ALOX5: variants seen among roughly 807,000 people sequenced by gnomAD.
The protein encoded by ALOX5 is polyunsaturated fatty acid 5-lipoxygenase.
A neutral mutation model predicts 87.9 loss-of-function variants in ALOX5; 64 were observed. That is an observed-to-expected ratio of 0.73 (90% confidence interval 0.60 to 0.90). The LOEUF (loss-of-function observed/expected upper bound fraction) is 0.90. Ranked by LOEUF, ALOX5 falls within the 40% of genes least tolerant of loss-of-function variation. ALOX5 has a pLI of 0.00. For missense variants in ALOX5, 822 were observed against 907.5 expected, an observed-to-expected ratio of 0.91 and a Z score of 1.21; for synonymous variants, 388 against 355.1, an observed-to-expected ratio of 1.09 and a Z score of -1.04.
intron 3 of ALOX5, among the ~76,000 whole-genome samples, chr10:45,410,662 C>G (rs1171458233): frequency 6.6e-6 from 1 of 152,014 alleles, no homozygotes; most frequent in Admixed American, 6.6e-5. Context: ...ACTTTCCTCT[C>G]AAAAGAAAAT....
intron 4 of ALOX5, among the ~76,000 whole-genome samples, chr10:45,416,078 G>C (rs1841280114): frequency 6.6e-6 from 1 of 152,144 alleles, no homozygotes; most frequent in African/African-American, 2.4e-5. Flanking sequence ...AGGTAGACGA[G>C]GCTGAGAACC....
chr10:45,402,874 G>A (rs1192824025), intron 3 of ALOX5, among the ~76,000 whole-genome samples: 1 of 152,182 alleles, frequency 6.6e-6, no homozygotes, highest in Non-Finnish European at 1.5e-5. Context: ...AATATAAGCA[G>A]CAAGTATACA....
chr10:45,408,362 G>T (rs1312608603), intron 3 of ALOX5, among the ~76,000 whole-genome samples: 5 of 152,172 alleles, frequency 3.3e-5, no homozygotes, highest in African/African-American at 1.2e-4. Flanking sequence ...TTTTGGAAAG[G>T]TGGGACAACT....
chr10:45,417,284 T>G (rs1166529819), intron 4 of ALOX5, among the ~76,000 whole-genome samples: 1 of 152,138 alleles, frequency 6.6e-6, no homozygotes, highest in Admixed American at 6.5e-5. Context: ...TCCTGTGTGT[T>G]TAGTGTTACA....
At chr10:45,434,596 C>T (rs1464685958) in intron 7 of ALOX5, among the ~76,000 whole-genome samples, 1 of 152,218 alleles carries the variant, frequency 6.6e-6, no homozygotes, top group Non-Finnish European at 1.5e-5. Context: ...GGATACATAT[C>T]TGTCGTATAC....
chr10:45,418,019 A>G (rs1413717644), intron 4 of ALOX5, among the ~76,000 whole-genome samples: 1 of 152,084 alleles, frequency 6.6e-6, no homozygotes, highest in African/African-American at 2.4e-5. Flanking sequence ...TAGCCCCTTG[A>G]GTGATGGCCT....
chr10:45,443,918 C>T (rs907489762), intron 12 of ALOX5, 90 bp downstream of exon 12: 6 of 1,469,584 alleles, frequency 4.1e-6, no homozygotes, highest in African/African-American at 2.8e-5. Flanking sequence ...ACTGCACCCT[C>T]GGACAGCCTC....
At chr10:45,381,889 A>G (rs889345111) in intron 1 of ALOX5, among the ~76,000 whole-genome samples, 2 of 152,252 alleles carry the variant, frequency 1.3e-5, no homozygotes, top group Non-Finnish European at 2.9e-5. Context: ...TAAGGTGTTC[A>G]TGAAGAATCT....
chr10:45,412,530 AC>A (rs1228628375), intron 4 of ALOX5, among the ~76,000 whole-genome samples: 2 of 152,182 alleles, frequency 1.3e-5, no homozygotes, highest in African/African-American at 4.8e-5. Context: ...GACTCCAGAC[AC>A]CAGACATACA....
At chr10:45,428,555 C>A in intron 6 of ALOX5, 63 bp from the exon 7 acceptor site, 1 of 1,599,996 alleles carries the variant, frequency 6.3e-7, no homozygotes, top group Non-Finnish European at 8.5e-7. Flanking sequence ...CACTCTTTCC[C>A]CAGGCCTGAT....
intron 4 of ALOX5, 117 bp from the exon 5 acceptor site, chr10:45,423,924 G>A: frequency 2.6e-6 from 2 of 780,094 alleles, no homozygotes; most frequent in Non-Finnish European, 2.2e-6. Context: ...ACCTACCTCT[G>A]CAGAGCTGCC....
chr10:45,389,575 T>C (rs1840133190), intron 2 of ALOX5, among the ~76,000 whole-genome samples: 1 of 152,310 alleles, frequency 6.6e-6, no homozygotes, highest in East Asian at 1.9e-4. Context: ...AACCCAGAAT[T>C]TCATATCCAG....
intron 3 of ALOX5, among the ~76,000 whole-genome samples, chr10:45,400,304 CAAA>C (rs1244727661): frequency 6.6e-6 from 1 of 152,086 alleles, no homozygotes; most frequent in Non-Finnish European, 1.5e-5. Flanking sequence ...TTTTTGGCAT[CAAA>C]AAGGAATGAA....
intron 4 of ALOX5, among the ~76,000 whole-genome samples, chr10:45,423,748 G>A (rs903418944): frequency 6.6e-6 from 1 of 152,230 alleles, no homozygotes; most frequent in African/African-American, 2.4e-5. Context: ...CCGAGTGGGG[G>A]ACTGCAAGTG....
At chr10:45,386,533 C>A (rs1305712795) in intron 2 of ALOX5, among the ~76,000 whole-genome samples, 1 of 151,434 alleles carries the variant, frequency 6.6e-6, no homozygotes, top group African/African-American at 2.4e-5. Flanking sequence ...GTTTTAGAAA[C>A]TTTTATAGCA....
At chr10:45,439,069 TATCTC>T (rs1751839927) in intron 7 of ALOX5, among the ~76,000 whole-genome samples, 4 of 152,252 alleles carry the variant, frequency 2.6e-5, no homozygotes, top group Admixed American at 2.0e-4. Context: ...GAATGTGAAA[TATCTC>T]ATTTAATAGT....
chr10:45,412,593 C>G (rs1049450293), intron 4 of ALOX5, among the ~76,000 whole-genome samples: 1 of 152,226 alleles, frequency 6.6e-6, no homozygotes, highest in East Asian at 1.9e-4. Context: ...TCCTCCCCAT[C>G]CATATCTCAT....
At chr10:45,384,356 C>G (rs1053895036) in intron 2 of ALOX5, among the ~76,000 whole-genome samples, 1 of 152,200 alleles carries the variant, frequency 6.6e-6, no homozygotes, top group Non-Finnish European at 1.5e-5. Context: ...CCAGCAAGTT[C>G]CATTCTCTCT....
At chr10:45,379,573 C>T (rs757774960) in intron 1 of ALOX5, among the ~76,000 whole-genome samples, 1 of 152,160 alleles carries the variant, frequency 6.6e-6, no homozygotes, top group African/African-American at 2.4e-5. Flanking sequence ...CATGTAGTCA[C>T]GAAGTGGCCG....
Sources: allele counts gnomAD v4.1 joint callset (sites outside exome capture counted in the v4.1 genomes callset), GRCh38; gene constraint gnomAD v4.1.1; transcripts MANE v1.5; gene names NCBI Gene and HGNC (gene_info 2026-07-23, HGNC 2026-07-21).